Variants in SAMD12 observed in about 807,000 individuals in gnomAD.
SAMD12 encodes sterile alpha motif domain-containing protein 12.
A neutral mutation model predicts 15.0 loss-of-function variants in SAMD12; 9 were observed. The observed-to-expected ratio is 0.60, with a 90% CI of 0.36 to 1.05. The LOEUF (loss-of-function observed/expected upper bound fraction) is 1.05. SAMD12 is among the 50% of genes least tolerant of loss of function. The pLI, the probability that SAMD12 is intolerant of heterozygous loss-of-function variation, is 0.01. For synonymous variants in SAMD12, 86 were observed against 90.1 expected (o/e 0.96, Z 0.25); for missense variants, 230 against 234.2 (o/e 0.98, Z 0.12).
chr8:118,524,093 A>G (rs759813611), intron 2 of SAMD12, among the ~76,000 whole-genome samples: 2 of 152,036 alleles, frequency 1.3e-5, no homozygotes, highest in Admixed American at 6.5e-5. Context: ...CTCCTACCCA[A>G]TTTTTCTACC....
chr8:118,134,297 C>T, the SAMD12 span, among the ~76,000 whole-genome samples: 2 of 152,220 alleles, frequency 1.3e-5, no homozygotes, highest in African/African-American at 2.4e-5. Context: ...CTAATTAGCT[C>T]TCAACCCCAT....
intron 4 of SAMD12, among the ~76,000 whole-genome samples, chr8:118,250,269 C>T (rs144579615): frequency 6.6e-6 from 1 of 152,190 alleles, no homozygotes; most frequent in Non-Finnish European, 1.5e-5. Flanking sequence ...ACCAGCTTAC[C>T]AGCCTTAGGC....
intron 2 of SAMD12, among the ~76,000 whole-genome samples, chr8:118,521,189 T>C (rs1825379491): frequency 6.6e-6 from 1 of 152,198 alleles, no homozygotes; most frequent in South Asian, 2.1e-4. Context: ...CATTGACCAA[T>C]TCTTCACACA....
At chr8:118,414,573 G>C (rs1404364201) in intron 3 of SAMD12, among the ~76,000 whole-genome samples, 9 of 152,286 alleles carry the variant, frequency 5.9e-5, no homozygotes, top group African/African-American at 2.2e-4. Flanking sequence ...AATTTAAAAT[G>C]AGGCTAAATA....
At chr8:118,369,737 A>C (rs1251155596) in intron 4 of SAMD12, among the ~76,000 whole-genome samples, 1 of 151,898 alleles carries the variant, frequency 6.6e-6, no homozygotes, top group Non-Finnish European at 1.5e-5. Context: ...AATATAAAAA[A>C]CCCACAAAAA....
At chr8:118,584,198 C>T (rs190040586) in intron 1 of SAMD12, among the ~76,000 whole-genome samples, 2 of 152,284 alleles carry the variant, frequency 1.3e-5, no homozygotes, top group East Asian at 3.9e-4. Flanking sequence ...ACTGCAAACT[C>T]CCCAGTAGTT....
intron 2 of SAMD12, among the ~76,000 whole-genome samples, chr8:118,459,547 G>A (rs1292186180): frequency 6.6e-6 from 1 of 152,154 alleles, no homozygotes; most frequent in Non-Finnish European, 1.5e-5. Flanking sequence ...ATACGCCACT[G>A]CATCTTATAA....
At chr8:118,312,643 A>G (rs1039607120) in intron 4 of SAMD12, among the ~76,000 whole-genome samples, 1 of 152,148 alleles carries the variant, frequency 6.6e-6, no homozygotes, top group Non-Finnish European at 1.5e-5. Flanking sequence ...TTATTAAACC[A>G]CTTGTAGAGT....
At chr8:118,151,279 G>A in the SAMD12 span, among the ~76,000 whole-genome samples, 5 of 151,844 alleles carry the variant, frequency 3.3e-5, no homozygotes, top group African/African-American at 7.3e-5. Flanking sequence ...TTTCTTGTAC[G>A]TGAGTTTTAT....
chr8:118,360,585 A>C (rs1818444457), intron 4 of SAMD12, among the ~76,000 whole-genome samples: 1 of 152,170 alleles, frequency 6.6e-6, no homozygotes, highest in Admixed American at 6.5e-5. Context: ...TAGAGTTGAA[A>C]GTATGCTTTT....
chr8:118,362,271 T>G (rs1344505343), intron 4 of SAMD12, among the ~76,000 whole-genome samples: 1 of 152,190 alleles, frequency 6.6e-6, no homozygotes, highest in Admixed American at 6.6e-5. Context: ...AAAATTATTA[T>G]AGTAAAACTC....
intron 1 of SAMD12, among the ~76,000 whole-genome samples, chr8:118,593,248 A>G (rs1397287789): frequency 6.6e-6 from 1 of 152,242 alleles, no homozygotes; most frequent in Non-Finnish European, 1.5e-5. Flanking sequence ...GAGAATTAAC[A>G]CTTTAAAAAC....
At chr8:118,367,294 A>G (rs1431084963) in intron 4 of SAMD12, among the ~76,000 whole-genome samples, 1 of 152,208 alleles carries the variant, frequency 6.6e-6, no homozygotes, top group African/African-American at 2.4e-5. Flanking sequence ...CATCTCTGAA[A>G]GTGGCTTTGA....
At chr8:118,191,793 TATATATATATATATATATAGAGAGAGAG>T (rs1819398166) in exon 5 of SAMD12, 4 of 53,480 alleles carry the variant, frequency 7.5e-5, no homozygotes, top group African/African-American at 2.4e-4. Context: ...TATATATATA[TATATATATATATATATATAGAGAGAGAG>T]AGAGAGAGAG....
chr8:118,419,998 A>G (rs1171921650), intron 3 of SAMD12, among the ~76,000 whole-genome samples: 2 of 152,236 alleles, frequency 1.3e-5, no homozygotes. Context: ...CTTGGAGAAG[A>G]GAGAGGCTGA....
Position 118,253,246 on chromosome 8 carries a change from G to C in SAMD12, c.434-55514C>G, listed in dbSNP as rs187790794. ...AATGAGAAACTCGCAGAAAGGCAGT[G>C]TACTATTAGCTCTCTCTTTGCATGA... On this transcript the variant is annotated intron_variant, in intron 4 of 4. Coordinates refer to the SAMD12 transcript ENST00000409003. Among the ~76,000 whole-genome samples, 7 of 152,256 alleles carry C rather than the reference G, an allele frequency of 4.6e-5. No individual in the cohort carries two copies. The East Asian group carries it at 1.4e-3, about 29-fold the overall frequency.
chr8:118,217,619 C>T (rs1811994092), intron 4 of SAMD12, among the ~76,000 whole-genome samples: 1 of 151,988 alleles, frequency 6.6e-6, no homozygotes, highest in Non-Finnish European at 1.5e-5. Context: ...TGGACTAGTC[C>T]TGGAGAGGGT....
chr8:118,472,675 T>C (rs1041243718), intron 2 of SAMD12, among the ~76,000 whole-genome samples: 1 of 152,038 alleles, frequency 6.6e-6, no homozygotes, highest in Non-Finnish European at 1.5e-5. Flanking sequence ...GCCCTTTCTA[T>C]AATAAATGTT....
At chr8:118,444,261 T>G (rs1822839408) in intron 2 of SAMD12, among the ~76,000 whole-genome samples, 1 of 152,368 alleles carries the variant, frequency 6.6e-6, no homozygotes, top group East Asian at 1.9e-4. Context: ...TGTTCATGTC[T>G]ACCACATCAT....
Sources: gnomAD v4.1 joint callset for allele counts (sites outside exome capture counted in the v4.1 genomes callset) on GRCh38, gnomAD v4.1.1 for gene constraint, MANE v1.5 for transcripts, NCBI Gene and HGNC (gene_info 2026-07-23, HGNC 2026-07-21) for gene names.